The following BRINP1 variants were observed in gnomAD, a reference collection of about 807,000 sequenced individuals.
BRINP1 encodes BMP/retinoic acid-inducible neural-specific protein 1.
In BRINP1, 17 loss-of-function variants were observed where a neutral mutation model predicts 72.9. The observed-to-expected ratio is 0.23, with a 90% CI of 0.16 to 0.35. BRINP1 has a LOEUF of 0.35. Among genes scored for constraint, BRINP1 ranks in the 10% least tolerant of loss-of-function variants. BRINP1 has a pLI of 1.00. For missense variants in BRINP1, 850 were observed against 1,001.6 expected (o/e 0.85, Z 2.04); for synonymous variants, 418 against 378.5 (o/e 1.10, Z -1.21).
intron 1 of BRINP1, among the ~76,000 whole-genome samples, chr9:119,353,846 T>A: frequency 7.0e-6 from 1 of 142,100 alleles, no homozygotes; most frequent in Admixed American, 7.1e-5. Flanking sequence ...TTTTTTTTTT[T>A]TTTTTTTTTA....
chr9:119,331,108 T>C (rs1305831181), intron 1 of BRINP1, among the ~76,000 whole-genome samples: 1 of 152,174 alleles, frequency 6.6e-6, no homozygotes, highest in Non-Finnish European at 1.5e-5. Flanking sequence ...ATTCAGTTCT[T>C]GTAGTGTGAT....
chr9:119,263,089 T>C (rs1361567568), intron 2 of BRINP1, among the ~76,000 whole-genome samples: 1 of 152,140 alleles, frequency 6.6e-6, no homozygotes, highest in African/African-American at 2.4e-5. Flanking sequence ...CCCCTCACCA[T>C]CCTGCCCTTC....
intron 1 of BRINP1, among the ~76,000 whole-genome samples, chr9:119,331,579 A>G (rs1831300852): frequency 6.6e-6 from 1 of 152,168 alleles, no homozygotes; most frequent in African/African-American, 2.4e-5. Flanking sequence ...TCCTGCTGTC[A>G]TGAGTGTTTC....
In BRINP1 at chr9:119,252,024, C is replaced by A. The variant is rs539776713; in HGVS notation, c.219-2874G>T. On this transcript the variant is annotated intron_variant, in intron 2 of 7. Transcript: ENST00000265922. ...TCTCTTTTTCTGCTTCACCCACTGG[C>A]TCTCTGTTCCCTCTCTGTTTCTTGC... Among the ~76,000 whole-genome samples, 3 of 152,240 alleles carry A rather than the reference C, an allele frequency of 2.0e-5. No individual in the cohort carries two copies. The East Asian group carries it at 5.8e-4, about 29-fold the overall frequency.
rs753676312 is a variant in BRINP1, at chr9:119,279,353, CA to C, written c.219-30204del. Among the ~76,000 whole-genome samples the C allele has an allele frequency of 9.7e-3, 1,482 of 152,314 alleles. 12 individuals carry two copies. The highest frequency in any genetic ancestry group is 0.016 in the Non-Finnish European group (1,082 of 68,028). On this transcript the variant is annotated intron_variant, in intron 2 of 7. Transcript: ENST00000265922. ...ATTAACCATGGGGATTTCGCCAGGG[CA>C]CCTGCCCACGCACGGTTCCCCTGTG... is the stretch of plus-strand genomic sequence containing the variant.
intron 7 of BRINP1, among the ~76,000 whole-genome samples, chr9:119,185,032 G>T (rs184926055): frequency 2.0e-5 from 3 of 152,190 alleles, no homozygotes; most frequent in African/African-American, 7.2e-5. Context: ...AGAGTTTATG[G>T]AAGTCAGATG....
At chr9:119,284,018 C>G (rs868362277) in intron 2 of BRINP1, among the ~76,000 whole-genome samples, 2 of 152,076 alleles carry the variant, frequency 1.3e-5, no homozygotes, top group Non-Finnish European at 2.9e-5. Context: ...CACCTGAGAC[C>G]GAATGAATCC....
At chr9:119,242,540 A>T (rs1404225024) in intron 3 of BRINP1, among the ~76,000 whole-genome samples, 1 of 152,130 alleles carries the variant, frequency 6.6e-6, no homozygotes, top group Non-Finnish European at 1.5e-5. Flanking sequence ...CTTCTATACA[A>T]TGGCAAATGT....
intron 7 of BRINP1, among the ~76,000 whole-genome samples, chr9:119,186,120 G>A (rs1239881280): frequency 2.6e-5 from 4 of 152,066 alleles, no homozygotes; most frequent in Non-Finnish European, 5.9e-5. Flanking sequence ...CACTGCCTGG[G>A]CTCAGATGTT....
In BRINP1 at chr9:119,208,886, T is replaced by C. The variant is rs1829888375; in HGVS notation, c.978A>G (p.Gly326=). ...RLPSNHFLTI[G]SIHQHWGNDW... is the part of the protein sequence containing the mutation. ...CATTGCCCCAGTGCTGATGGATGCT[T>C]CCGATGGTCAGGAAGTGGTTGCTGG... Residue 326 remains glycine (G), a synonymous_variant, in exon 7 of 8, where the codon GGA becomes GGG. Coordinates refer to ENST00000265922, the MANE Select transcript of BRINP1 (RefSeq NM_014618.3). 1.2e-6 allele frequency: 2 copies of C among 1,614,160 alleles called. No homozygotes were observed. The highest frequency in any genetic ancestry group is 1.7e-6 in the Non-Finnish European group (2 of 1,180,030).
chr9:119,274,959 T>G (rs897020724), intron 2 of BRINP1, among the ~76,000 whole-genome samples: 1 of 152,208 alleles, frequency 6.6e-6, no homozygotes, highest in African/African-American at 2.4e-5. Context: ...GTTAACATTA[T>G]TTAATGCTTA....
At chr9:119,193,830 G>C (rs761640009) in intron 7 of BRINP1, among the ~76,000 whole-genome samples, 12 of 152,170 alleles carry the variant, frequency 7.9e-5, no homozygotes, top group Non-Finnish European at 1.6e-4. Context: ...CTCTCCCCTT[G>C]AATCTGGGAA....
intron 2 of BRINP1, among the ~76,000 whole-genome samples, chr9:119,291,773 G>C (rs534387946): frequency 6.6e-6 from 1 of 152,242 alleles, no homozygotes; most frequent in Admixed American, 6.5e-5. Context: ...CCAGAAGTAG[G>C]TGGGTGGTAC....
chr9:119,197,443 T>C (rs542517021), intron 7 of BRINP1, among the ~76,000 whole-genome samples: 3 of 152,306 alleles, frequency 2.0e-5, no homozygotes, highest in African/African-American at 7.2e-5. Context: ...CATCAACAAC[T>C]CTGTCTGGTA....
rs548917847 is a variant in BRINP1 at position 119,298,233 on chromosome 9, C to A, written c.218+14905G>T. Among the ~76,000 whole-genome samples, 39 of 152,300 alleles carry A rather than the reference C, an allele frequency of 2.6e-4. No individual in the cohort carries two copies. In the South Asian group the frequency reaches 5.4e-3, roughly 21 times the overall value. The stretch of plus-strand genomic sequence containing the variant: ...GGAATCCAAAGTCCGTCCCTCATGC[C>A]TGTAAACAGGAACAATAGGGCCCAT... On this transcript the variant is annotated intron_variant, in intron 2 of 7. Transcript: ENST00000265922.
At chr9:119,351,732 T>A (rs1831509460) in intron 1 of BRINP1, among the ~76,000 whole-genome samples, 1 of 152,234 alleles carries the variant, frequency 6.6e-6, no homozygotes, top group South Asian at 2.1e-4. Context: ...CCAACATGAA[T>A]AATTATAGTA....
intron 7 of BRINP1, among the ~76,000 whole-genome samples, chr9:119,193,972 A>G (rs996769295): frequency 1.3e-5 from 2 of 152,176 alleles, no homozygotes; most frequent in Non-Finnish European, 2.9e-5. Flanking sequence ...TCTGAGATCC[A>G]TTCTAAGCAG....
chr9:119,350,579 T>G (rs889767760), intron 1 of BRINP1, among the ~76,000 whole-genome samples: 1 of 151,994 alleles, frequency 6.6e-6, no homozygotes, highest in Non-Finnish European at 1.5e-5. Context: ...TCATATAATA[T>G]AAAGATATAT....
chr9:119,325,529 T>G (rs191976777), intron 1 of BRINP1, among the ~76,000 whole-genome samples: 15 of 152,330 alleles, frequency 9.8e-5, no homozygotes, highest in African/African-American at 3.6e-4. Context: ...CTCAGAGCAA[T>G]CTTACACTCT....
Sources: allele counts gnomAD v4.1 joint callset (sites outside exome capture counted in the v4.1 genomes callset), GRCh38; gene constraint gnomAD v4.1.1; transcripts MANE v1.5; gene names NCBI Gene and HGNC (gene_info 2026-07-23, HGNC 2026-07-21).